CAMK1D: variants seen among roughly 807,000 people sequenced by gnomAD.
The protein encoded by CAMK1D is calcium/calmodulin-dependent protein kinase type 1D.
CAMK1D carries 9 observed loss-of-function variants against 47.7 expected under a neutral mutation model. The observed-to-expected ratio is 0.19, with a 90% CI of 0.11 to 0.33. The LOEUF (loss-of-function observed/expected upper bound fraction) is 0.33, where lower values mean the gene tolerates loss of function less well. CAMK1D is among the 10% of genes least tolerant of loss of function. The pLI, the probability that CAMK1D is intolerant of heterozygous loss-of-function variation, is 1.00. For missense variants in CAMK1D, 291 were observed against 488.7 expected (o/e 0.60, Z 3.81); for synonymous variants, 184 against 184.9 (o/e 0.99, Z 0.04).
At chr10:12,562,033 CT>C (rs771298161) in intron 2 of CAMK1D, among the ~76,000 whole-genome samples, 76 of 152,234 alleles carry the variant, frequency 5.0e-4, no homozygotes, top group Admixed American at 1.1e-3. Context: ...ATGTTAGTGT[CT>C]TATTCCATTT....
Position 12,404,697 on chromosome 10 carries a change from A to AT in CAMK1D, c.92+54787_92+54788insT, listed in dbSNP as rs1564318213. Among the ~76,000 whole-genome samples the AT allele has an allele frequency of 9.8e-3, 1,422 of 144,896 alleles. 22 individuals are homozygous for AT. The highest frequency in any genetic ancestry group is 0.035 in the African/African-American group (1,364 of 38,698). On this transcript the variant is annotated intron_variant, in intron 1 of 10. Transcript: ENST00000619168. ...TGACCAAGAAAACTGTGTTTTTAAA[A>AT]ATTTTTTTTTTTTTTGAGATGGAGT...
chr10:12,458,144 C>T (rs1833312567), intron 1 of CAMK1D, among the ~76,000 whole-genome samples: 1 of 152,228 alleles, frequency 6.6e-6, no homozygotes, highest in Non-Finnish European at 1.5e-5. Flanking sequence ...TTCATTCAAT[C>T]TGCAAATGCA....
chr10:12,642,337 T>C (rs1356791607), intron 2 of CAMK1D, among the ~76,000 whole-genome samples: 1 of 152,194 alleles, frequency 6.6e-6, no homozygotes, highest in Non-Finnish European at 1.5e-5. Flanking sequence ...CAGTGGATGA[T>C]TCTTGAATGA....
At chr10:12,736,362 GTC>G (rs1402180797) in intron 3 of CAMK1D, among the ~76,000 whole-genome samples, 6 of 152,180 alleles carry the variant, frequency 3.9e-5, no homozygotes, top group Admixed American at 3.3e-4. Context: ...AGAGGCTCAG[GTC>G]TCTGACTGTT....
rs577585454 is a variant in CAMK1D at position 12,494,685 on chromosome 10, C to T, written c.93-58540C>T. 1.2e-4 allele frequency among the ~76,000 whole-genome samples: 18 copies of T among 152,306 alleles called. No individual in the cohort carries two copies. In the South Asian group the frequency reaches 3.5e-3, roughly 30 times the overall value. Reference sequence around the variant, plus strand: ...GTTCAAGCGATTCTCCTGCCTTAGCCTCCTGAGTAGCTGGGACTACAGGCA... The same window carrying T: ...GTTCAAGCGATTCTCCTGCCTTAGCTTCCTGAGTAGCTGGGACTACAGGCA... On this transcript the variant is annotated intron_variant, in intron 1 of 10. Coordinates refer to ENST00000619168, the MANE Select transcript of CAMK1D (RefSeq NM_153498.4).
At chr10:12,460,588 A>C (rs1434337298) in intron 1 of CAMK1D, among the ~76,000 whole-genome samples, 8 of 151,992 alleles carry the variant, frequency 5.3e-5, no homozygotes, top group Non-Finnish European at 1.2e-4. Context: ...GCCTGCCACC[A>C]CACCTGGCTA....
intron 1 of CAMK1D, among the ~76,000 whole-genome samples, chr10:12,358,493 A>G (rs1446662291): frequency 6.6e-6 from 1 of 152,032 alleles, no homozygotes; most frequent in African/African-American, 2.4e-5. Flanking sequence ...AGATTGTGCC[A>G]CTCCACTCCA....
chr10:12,355,840 G>C (rs1295440075), intron 1 of CAMK1D, among the ~76,000 whole-genome samples: 1 of 152,134 alleles, frequency 6.6e-6, no homozygotes, highest in East Asian at 1.9e-4. Flanking sequence ...TGCTCTCCTG[G>C]AGCCACAGAA....
chr10:12,814,425 T>C, intron 7 of CAMK1D, 118 bp downstream of exon 7: 1 of 583,452 alleles, frequency 1.7e-6, no homozygotes, highest in Non-Finnish European at 3.1e-6. Flanking sequence ...GAGGGTCCTG[T>C]CTTGGTTGGC....
At chr10:12,769,311 G>C (rs970206695) in intron 4 of CAMK1D, among the ~76,000 whole-genome samples, 2 of 152,164 alleles carry the variant, frequency 1.3e-5, no homozygotes, top group Non-Finnish European at 2.9e-5. Context: ...GAGCAGAGAA[G>C]CACCTGCAAG....
chr10:12,623,096 C>T (rs1413302365), intron 2 of CAMK1D, among the ~76,000 whole-genome samples: 1 of 119,546 alleles, frequency 8.4e-6, no homozygotes, highest in Non-Finnish European at 1.8e-5. Context: ...TCCCTCCCTT[C>T]CTCCATCGCT....
At chr10:12,828,663 C>CT in intron 10 of CAMK1D, 106 bp from the exon 11 acceptor site, 1 of 798,102 alleles carries the variant, frequency 1.3e-6, no homozygotes, top group Admixed American at 2.5e-5. Context: ...AAATTGGGCC[C>CT]CCCCGCCCCC....
In CAMK1D at chr10:12,580,283, A is replaced by G. The variant is rs185026166; in HGVS notation, c.224+26927A>G. Among the ~76,000 whole-genome samples, 256 of 151,310 alleles carry G rather than the reference A, an allele frequency of 1.7e-3. 1 individual carries two copies. Among genetic ancestry groups the G allele is most frequent in the African/African-American group, 5.9e-3 (244 of 41,116 alleles). ...ACTAACAGATGTTTAGGAATTGGGC[A>G]TCTAGGCTGTACCAATGTATCTGGA... On this transcript the variant is annotated intron_variant, in intron 2 of 10. Transcript: ENST00000619168.
intron 1 of CAMK1D, among the ~76,000 whole-genome samples, chr10:12,484,259 C>T (rs1834146942): frequency 6.6e-6 from 1 of 152,222 alleles, no homozygotes; most frequent in Non-Finnish European, 1.5e-5. Context: ...TGCTTCCGGC[C>T]CCGCCTGCTC....
chr10:12,501,737 C>T (rs1019708622), intron 1 of CAMK1D, among the ~76,000 whole-genome samples: 5 of 151,844 alleles, frequency 3.3e-5, no homozygotes, highest in Non-Finnish European at 5.9e-5. Flanking sequence ...GGGCGGAGAT[C>T]GAGGATGCTG....
intron 3 of CAMK1D, among the ~76,000 whole-genome samples, chr10:12,754,879 C>G (rs1836159760): frequency 6.6e-6 from 1 of 152,118 alleles, no homozygotes; most frequent in Admixed American, 6.6e-5. Flanking sequence ...GGCCCTATCT[C>G]CAAATACAGT....
chr10:12,515,024 T>A (rs545649423), intron 1 of CAMK1D, among the ~76,000 whole-genome samples: 8 of 151,108 alleles, frequency 5.3e-5, no homozygotes, highest in South Asian at 2.1e-4. Flanking sequence ...CTAATTTTTT[T>A]TTTTTATTTT....
chr10:12,666,046 G>A lies in CAMK1D; in HGVS notation c.225-690G>A, dbSNP rs920736676. 4.2e-4 allele frequency among the ~76,000 whole-genome samples: 64 copies of A among 152,150 alleles called. 1 individual carries two copies. The highest frequency in any genetic ancestry group is 3.2e-3 in the Admixed American group (49 of 15,268). ...TCAACTTGTGTACTCTGTGCTTGTC[G>A]TGGGGCCTGATAATTTGCATTCCTG... On this transcript the variant is annotated intron_variant, in intron 2 of 10. Transcript: ENST00000619168.
At chr10:12,826,431 G>A (rs889478868) in intron 10 of CAMK1D, among the ~76,000 whole-genome samples, 2 of 152,180 alleles carry the variant, frequency 1.3e-5, no homozygotes, top group Admixed American at 1.3e-4. Flanking sequence ...GAAGTGCATT[G>A]ACTTTGCAAT....
Sources: allele counts gnomAD v4.1 joint callset (sites outside exome capture counted in the v4.1 genomes callset), GRCh38; gene constraint gnomAD v4.1.1; transcripts MANE v1.5; gene names NCBI Gene and HGNC (gene_info 2026-07-23, HGNC 2026-07-21).